The following TRIM37 variants were observed in gnomAD, a reference collection of about 807,000 sequenced individuals.
TRIM37 encodes E3 ubiquitin-protein ligase TRIM37.
A neutral mutation model predicts 129.8 loss-of-function variants in TRIM37; 80 were observed. The ratio of observed to expected loss-of-function variants is 0.62; its 90% CI spans 0.51 to 0.74. The LOEUF (loss-of-function observed/expected upper bound fraction) is 0.74, where lower values mean the gene tolerates loss of function less well. Ranked by LOEUF, TRIM37 falls within the 30% of genes least tolerant of loss-of-function variation. The pLI is 0.00. For synonymous variants in TRIM37, 389 were observed against 387.1 expected (o/e 1.00, Z -0.06); for missense variants, 1,054 against 1,176.5 (o/e 0.90, Z 1.52).
chr17:58,970,638 G>C, the TRIM37 span, among the ~76,000 whole-genome samples: 1 of 152,056 alleles, frequency 6.6e-6, no homozygotes, highest in South Asian at 2.1e-4. Flanking sequence ...AGACCTATTT[G>C]GTATTAAGAA....
chr17:58,968,823 C>G, the TRIM37 span, among the ~76,000 whole-genome samples: 4 of 152,212 alleles, frequency 2.6e-5, no homozygotes, highest in African/African-American at 4.8e-5. Flanking sequence ...AGATCCTCCT[C>G]TGGCAGTTTA....
intron 1 of TRIM37, 86 bp downstream of exon 1, chr17:59,106,355 A>C: frequency 1.3e-6 from 2 of 1,540,784 alleles, no homozygotes; most frequent in Non-Finnish European, 1.8e-6. Context: ...GCCCTACTGG[A>C]GGGAGGACAT....
At chr17:59,057,087 T>C (rs1305164473) in intron 12 of TRIM37, 33 bp from the exon 13 acceptor site, 1 of 1,581,576 alleles carries the variant, frequency 6.3e-7, no homozygotes, top group African/African-American at 1.3e-5. Flanking sequence ...TACTATACAG[T>C]TAGTAAAGTA....
intron 9 of TRIM37, among the ~76,000 whole-genome samples, chr17:59,069,320 C>G (rs2042175608): frequency 6.6e-6 from 1 of 151,508 alleles, no homozygotes; most frequent in African/African-American, 2.4e-5. Context: ...GCATTCCAGC[C>G]TGGGTGACAG....
intron 2 of TRIM37, among the ~76,000 whole-genome samples, chr17:59,091,602 T>TAATGTATATATATATATA (rs2044383157): frequency 4.1e-5 from 3 of 74,074 alleles, no homozygotes. Flanking sequence ...ATACATTATA[T>TAATGTATATATATATATA]ATATAATATA....
In TRIM37 at chr17:59,015,628, C is replaced by T; in HGVS notation, c.2558G>A (p.Arg853Lys). 2 of 1,614,066 alleles carry T rather than the reference C, an allele frequency of 1.2e-6. No homozygotes were observed. Among genetic ancestry groups the T allele is most frequent in the South Asian group, 1.1e-5 (1 of 91,072 alleles). ...AATTTACCCCAAGGTGACCATTTTC[C>T]TCCTTTTCTCAACCGCAGGCAAGCC... The part of the protein sequence containing the change: ...FSGLPAVEKR[R>K]KMVTLGANAK... Residue 853 changes from arginine to lysine, a missense_variant, in exon 21 of 24, where the codon AGG (arginine) becomes AAG (lysine). Arg to Lys is a conservative substitution (Grantham distance 26, BLOSUM62 2). Coordinates refer to ENST00000262294, the MANE Select transcript of TRIM37 (RefSeq NM_015294.6).
At chr17:59,014,911 CAA>C (rs754096852) in intron 21 of TRIM37, among the ~76,000 whole-genome samples, 13 of 133,686 alleles carry the variant, frequency 9.7e-5, no homozygotes, top group Non-Finnish European at 8.2e-5. Flanking sequence ...CTAAAAATAC[CAA>C]AAAAAAAAAA....
intron 22 of TRIM37, among the ~76,000 whole-genome samples, chr17:59,006,708 GC>G (rs1169032415): frequency 6.6e-6 from 1 of 152,020 alleles, no homozygotes; most frequent in African/African-American, 2.4e-5. Flanking sequence ...GGCTAACATG[GC>G]AAAACCCCGT....
At chr17:59,000,079 A>T (rs1022277800) in intron 23 of TRIM37, among the ~76,000 whole-genome samples, 5 of 152,218 alleles carry the variant, frequency 3.3e-5, no homozygotes, top group Non-Finnish European at 7.3e-5. Flanking sequence ...GAATGTTCAG[A>T]TTGATTATTA....
downstream of TRIM37, among the ~76,000 whole-genome samples, chr17:58,995,992 C>A (rs1261884552): frequency 6.6e-6 from 1 of 151,800 alleles, no homozygotes; most frequent in Non-Finnish European, 1.5e-5. Flanking sequence ...CAAAGCCAGA[C>A]CCTGTCTTCC....
At position 58,990,078 on chromosome 17, in the gene TRIM37, T is replaced by C. The variant is rs144743337; in HGVS notation, c.2892-7157A>G. Among the ~76,000 whole-genome samples the C allele has an allele frequency of 8.9e-3, 1,275 of 142,864 alleles. 17 individuals are homozygous for C. The highest frequency in any genetic ancestry group is 0.031 in the African/African-American group (1,188 of 38,224). The allele number at this position is 142,864 out of a possible 152,430, so 93.7% of individuals were successfully genotyped here. On this transcript the variant is annotated intron_variant, in intron 24 of 24. Coordinates refer to the TRIM37 transcript ENST00000393066. Reference sequence around the variant, plus strand: ...TTGTAGTCCCAGCTACTCAGGAGGCTGAGGTGGGAGGATTGCTTGAGCCCA... The same window carrying C: ...TTGTAGTCCCAGCTACTCAGGAGGCCGAGGTGGGAGGATTGCTTGAGCCCA...
chr17:59,103,772 C>G (rs545312142), intron 2 of TRIM37, among the ~76,000 whole-genome samples: 1 of 151,200 alleles, frequency 6.6e-6, no homozygotes, highest in Non-Finnish European at 1.5e-5. Context: ...CCTCAGCCTC[C>G]CAAGTAGCTG....
downstream of TRIM37, chr17:58,979,940 T>C (rs761832288): frequency 1.3e-6 from 2 of 1,541,380 alleles, no homozygotes; most frequent in Non-Finnish European, 1.8e-6. Context: ...GTAAAACAAA[T>C]GCTAATGATG....
chr17:58,973,038 T>C, the TRIM37 span: 1 of 664,036 alleles, frequency 1.5e-6, no homozygotes, highest in South Asian at 1.9e-5. Context: ...GAATGCTTAT[T>C]ATTCTTTAAA....
At chr17:59,092,634 T>C (rs1736904170) in intron 2 of TRIM37, among the ~76,000 whole-genome samples, 1 of 152,126 alleles carries the variant, frequency 6.6e-6, no homozygotes, top group Non-Finnish European at 1.5e-5. Context: ...AAAAAAACTT[T>C]ATGTTTTAAT....
At chr17:59,058,626 G>A (rs1474793808) in intron 12 of TRIM37, among the ~76,000 whole-genome samples, 3 of 152,174 alleles carry the variant, frequency 2.0e-5, no homozygotes, top group Non-Finnish European at 4.4e-5. Context: ...AAGAGACCGA[G>A]GTGGGCAGAT....
chr17:58,973,328 T>C, the TRIM37 span, among the ~76,000 whole-genome samples: 2 of 150,132 alleles, frequency 1.3e-5, no homozygotes, highest in Non-Finnish European at 3.0e-5. Flanking sequence ...GAGGCAGGAA[T>C]ATTGCTTGAA....
chr17:58,973,010 T>G, the TRIM37 span: 1 of 807,660 alleles, frequency 1.2e-6, no homozygotes, highest in Non-Finnish European at 2.0e-6. Context: ...GAACCTGAGA[T>G]GATAATTTAT....
rs546145972 is a variant in TRIM37 at position 59,054,767 on chromosome 17, C to T, written c.1199+2108G>A. Among the ~76,000 whole-genome samples the T allele has an allele frequency of 2.9e-3, 435 of 152,190 alleles. 1 individual carries two copies. The highest frequency in any genetic ancestry group is 4.6e-3 in the Non-Finnish European group (311 of 68,014). Reference sequence around the variant, plus strand: ...GCAACCTCCACCTGCCGGATTCAAGCGATTCTCCTGCCTTGGCCTCCTGAG... The same window carrying T: ...GCAACCTCCACCTGCCGGATTCAAGTGATTCTCCTGCCTTGGCCTCCTGAG... On this transcript the variant is annotated intron_variant, in intron 13 of 23. Coordinates refer to ENST00000262294, the MANE Select transcript of TRIM37 (RefSeq NM_015294.6).
Sources: gnomAD v4.1 joint callset for allele counts (sites outside exome capture counted in the v4.1 genomes callset) on GRCh38, gnomAD v4.1.1 for gene constraint, MANE v1.5 for transcripts, NCBI Gene and HGNC (gene_info 2026-07-23, HGNC 2026-07-21) for gene names.